ZKSCAN7: variants seen among roughly 807,000 people sequenced by gnomAD.
The protein encoded by ZKSCAN7 is zinc finger with KRAB and SCAN domains 7, also known as zinc finger protein with KRAB and SCAN domains 7.
Under a neutral mutation model 65.3 loss-of-function variants are expected in ZKSCAN7, and 38 were observed. That is an observed-to-expected ratio of 0.58 (90% CI 0.45 to 0.76). The LOEUF (loss-of-function observed/expected upper bound fraction) is 0.76. Among genes scored for constraint, ZKSCAN7 ranks in the 30% least tolerant of loss-of-function variants. The pLI is 0.00. For synonymous variants in ZKSCAN7, 321 were observed against 321.0 expected (o/e 1.00, Z 0.00); for missense variants, 815 against 913.3 (o/e 0.89, Z 1.39).
Position 44,571,428 on chromosome 3 carries a change from T to C in ZKSCAN7, c.*53T>C, listed in dbSNP as rs1007867875. ...CGACCTTTGAGTTAAGCTGTCTTTATAAGCAGGATGCTCATAGTGGTTTCC... is the reference window on the plus strand; with the variant it reads ...CGACCTTTGAGTTAAGCTGTCTTTACAAGCAGGATGCTCATAGTGGTTTCC... On this transcript the variant is annotated 3_prime_UTR_variant, in exon 6 of 6. Coordinates refer to ENST00000426540, the MANE Select transcript of ZKSCAN7 (RefSeq NM_001288590.2). The C allele has an allele frequency of 1.2e-6, 2 of 1,605,866 alleles. No individual in the cohort carries two copies. Among genetic ancestry groups the C allele is most frequent in the Non-Finnish European group, 1.7e-6 (2 of 1,179,964 alleles).
Position 44,567,973 on chromosome 3 carries a change from G to C in ZKSCAN7, c.654G>C (p.Gly218=). The C allele has an allele frequency of 7.0e-7, 1 of 1,436,148 alleles. No homozygotes were observed. Among genetic ancestry groups the C allele is most frequent in the Admixed American group, 2.1e-5 (1 of 48,678 alleles). 89.0% of individuals were successfully genotyped at this position (1,436,148 alleles called of 1,614,324 possible). ...TGGGGAACTCAGGAGACCAAGCAGGGGCAACTGTACTTCGGATGGTCAGGC... is the reference window on the plus strand; with the variant it reads ...TGGGGAACTCAGGAGACCAAGCAGGCGCAACTGTACTTCGGATGGTCAGGC... The part of the protein sequence containing the change: ...PQVGNSGDQA[G]ATVLRMVRPQ... Residue 218 remains glycine, a synonymous_variant, in exon 4 of 6, where the codon GGG becomes GGC. Coordinates refer to ENST00000426540, the MANE Select transcript of ZKSCAN7 (RefSeq NM_001288590.2).
intron 5 of ZKSCAN7, chr3:44,578,143 G>C (rs1699963927): frequency 2.0e-6 from 3 of 1,521,372 alleles, no homozygotes; most frequent in Non-Finnish European, 2.7e-6. Flanking sequence ...GCCTTAAGCT[G>C]CTCTTTCAAC....
intron 5 of ZKSCAN7, among the ~76,000 whole-genome samples, 178 bp from the exon 6 acceptor site, chr3:44,569,744 G>A (rs1046029553): frequency 1.1e-4 from 16 of 151,790 alleles, no homozygotes; most frequent in African/African-American, 3.6e-4. Flanking sequence ...TTGTTTTCCT[G>A]TCCCTAGGGA....
In ZKSCAN7 at chr3:44,571,481, C is replaced by G; in HGVS notation, c.*106C>G. ...GAGCCAGTAGTCACGGTGGACCATT[C>G]CCTACTTGCTTTTCCTTGGATCACT... On this transcript the variant is annotated 3_prime_UTR_variant, in exon 6 of 6. Coordinates refer to ENST00000426540, the MANE Select transcript of ZKSCAN7 (RefSeq NM_001288590.2). The G allele has an allele frequency of 6.3e-7, 1 of 1,591,468 alleles. No individual in the cohort carries two copies. Among genetic ancestry groups the G allele is most frequent in the Admixed American group, 1.7e-5 (1 of 59,546 alleles).
intron 5 of ZKSCAN7, among the ~76,000 whole-genome samples, chr3:44,579,098 G>A (rs1296250444): frequency 2.0e-5 from 3 of 152,196 alleles, no homozygotes; most frequent in Non-Finnish European, 2.9e-5. Context: ...CCGGAGAGGC[G>A]TGGTCTCCAC....
intron 5 of ZKSCAN7, among the ~76,000 whole-genome samples, chr3:44,581,732 T>A (rs1164352082): frequency 6.6e-6 from 1 of 152,210 alleles, no homozygotes; most frequent in Non-Finnish European, 1.5e-5. Context: ...GTGAAGGTGC[T>A]GGGAGTGGTA....
intron 5 of ZKSCAN7, chr3:44,580,332 G>C: frequency 1.2e-6 from 2 of 1,613,010 alleles, no homozygotes; most frequent in South Asian, 1.1e-5. Flanking sequence ...TTCCCGCAGG[G>C]AGCTGGCAGC....
downstream of ZKSCAN7, among the ~76,000 whole-genome samples, chr3:44,574,132 G>A (rs1344978536): frequency 6.6e-6 from 1 of 151,618 alleles, no homozygotes; most frequent in Non-Finnish European, 1.5e-5. Context: ...TTTTCTTGGA[G>A]ACAGGGTCTC....
At chr3:44,582,907 CGTGTGTGTGTGTGTGTGTGT>C (rs4016043) in intron 5 of ZKSCAN7, 8 of 354,174 alleles carry the variant, frequency 2.3e-5, no homozygotes, top group South Asian at 6.0e-5. Context: ...CATGAATATT[CGTGTGTGTGTGTGTGTGTGT>C]GTGTGTGTGT....
intron 5 of ZKSCAN7, among the ~76,000 whole-genome samples, chr3:44,578,774 C>CG (rs1699985256): frequency 6.6e-6 from 1 of 152,204 alleles, no homozygotes; most frequent in Non-Finnish European, 1.5e-5. Context: ...TTTCTCTTCT[C>CG]GAAGTTTCTC....
intron 2 of ZKSCAN7, 148 bp from the exon 3 acceptor site, chr3:44,565,339 C>T: frequency 4.1e-5 from 26 of 633,080 alleles, no homozygotes; most frequent in Middle Eastern, 3.8e-4. Context: ...TTTTTTTTTT[C>T]CCCCAGTAGA....
chr3:44,568,882 T>C (rs1295135560), intron 5 of ZKSCAN7, among the ~76,000 whole-genome samples: 1 of 152,224 alleles, frequency 6.6e-6, no homozygotes, highest in Admixed American at 6.5e-5. Context: ...TCTCTCTGCT[T>C]GTCCTCCTCC....
At chr3:44,580,234 A>G in intron 5 of ZKSCAN7, 2 of 1,613,040 alleles carry the variant, frequency 1.2e-6, no homozygotes, top group Non-Finnish European at 1.7e-6. Context: ...TCCAGAGAGA[A>G]GTAGCTGCTC....
chr3:44,577,276 C>T (rs1699939938), intron 5 of ZKSCAN7, among the ~76,000 whole-genome samples: 1 of 146,724 alleles, frequency 6.8e-6, no homozygotes, highest in Admixed American at 6.7e-5. Flanking sequence ...CCCAAATAAC[C>T]AATTCTTTTT....
At chr3:44,558,174 GGTGTGTGT>G (rs113889875) in intron 2 of ZKSCAN7, among the ~76,000 whole-genome samples, 1 of 148,450 alleles carries the variant, frequency 6.7e-6, no homozygotes, top group Non-Finnish European at 1.5e-5. Flanking sequence ...AGGAGAGAGG[GGTGTGTGT>G]GTGTGTGTGT....
intron 5 of ZKSCAN7, chr3:44,580,610 A>C: frequency 6.2e-7 from 1 of 1,613,772 alleles, no homozygotes; most frequent in Middle Eastern, 1.6e-4. Context: ...CCAGCCACCC[A>C]CTGACGATCT....
rs1319972675 is a variant in ZKSCAN7, at chr3:44,571,389, G to A, written c.*14G>A. The stretch of plus-strand genomic sequence containing the variant: ...TCAGTTTCTTAAGGTATGGTTCTCT[G>A]AGACAGAGAGCAACGACCTTTGAGT... On this transcript the variant is annotated 3_prime_UTR_variant, in exon 6 of 6. Coordinates refer to ENST00000426540, the MANE Select transcript of ZKSCAN7 (RefSeq NM_001288590.2). The A allele has an allele frequency of 1.2e-6, 2 of 1,613,042 alleles. No individual in the cohort carries two copies. The highest frequency in any genetic ancestry group is 1.3e-5 in the African/African-American group (1 of 74,922).
exon 6 of ZKSCAN7, chr3:44,583,041 C>T (rs1315425795): frequency 2.3e-6 from 1 of 428,944 alleles, no homozygotes; most frequent in South Asian, 1.7e-5. Flanking sequence ...ATTCTCCTGC[C>T]TCAGACTCCT....
chr3:44,581,222 G>A (rs1468365561), intron 5 of ZKSCAN7, among the ~76,000 whole-genome samples: 4 of 147,450 alleles, frequency 2.7e-5, no homozygotes. Flanking sequence ...GCGACGCCCA[G>A]CTCCCGCCCG....
Sources: allele counts gnomAD v4.1 joint callset (sites outside exome capture counted in the v4.1 genomes callset), GRCh38; gene constraint gnomAD v4.1.1; transcripts MANE v1.5; gene names NCBI Gene and HGNC (gene_info 2026-07-23, HGNC 2026-07-21).